DIRAS3: variants seen among roughly 807,000 people sequenced by gnomAD.
DIRAS3 encodes DIRAS family GTPase 3.
For missense variants in DIRAS3, 248 were observed against 300.6 expected, an observed-to-expected ratio of 0.83 and a Z score of 1.29; for synonymous variants, 133 against 131.4, an observed-to-expected ratio of 1.01 and a Z score of -0.08.
intron 1 of DIRAS3, chr1:68,049,440 A>C (rs1645711119): frequency 6.5e-6 from 1 of 152,746 alleles, no homozygotes; most frequent in African/African-American, 2.4e-5. Flanking sequence ...AGCTTAAAAA[A>C]CTAGGAGATT....
intron 1 of DIRAS3, among the ~76,000 whole-genome samples, chr1:68,048,042 AAAAAAAAATATATATATATATATAT>A (rs1454871376): frequency 2.9e-5 from 2 of 69,980 alleles, no homozygotes; most frequent in Non-Finnish European, 5.4e-5. Flanking sequence ...AAAAAAAAAA[AAAAAAAAATATATATATATATATAT>A]ATATATATAT....
In DIRAS3 at chr1:68,046,906, T is replaced by C. The variant is rs1645678707; in HGVS notation, c.392A>G (p.Tyr131Cys). Residue 131 changes from tyrosine (Y) to cysteine (C), a missense_variant, in exon 2 of 2, where the codon TAT becomes TGT. Tyr to Cys is a radical substitution (Grantham distance 194). Transcript: ENST00000646789. ...ACCTTTGATCTTGCAGATCAGCTCA[T>C]AGAAGGCCTTCAGCTCTTCCAGGGT... ...KETLEELKAFYELICKIKGNN... is the reference protein window; with the variant it reads ...KETLEELKAFCELICKIKGNN... 2 of 1,614,080 alleles carry C rather than the reference T, an allele frequency of 1.2e-6. No homozygotes were observed. The highest frequency in any genetic ancestry group is 1.3e-5 in the African/African-American group (1 of 74,928).
Position 68,046,909 on chromosome 1 carries a change from A to C in DIRAS3, c.389T>G (p.Phe130Cys). 6.2e-7 allele frequency: 1 copy of C among 1,614,144 alleles called. No individual in the cohort carries two copies. The highest frequency in any genetic ancestry group is 8.5e-7 in the Non-Finnish European group (1 of 1,180,024). ...TTTGATCTTGCAGATCAGCTCATAG[A>C]AGGCCTTCAGCTCTTCCAGGGTTTC... is the stretch of plus-strand genomic sequence containing the variant. ...KKETLEELKA[F>C]YELICKIKGN... The change falls in exon 2 of 2, where the codon TTC becomes TGC. Residue 130 changes from phenylalanine (F) to cysteine (C), a missense_variant. Phe to Cys is a radical substitution (Grantham distance 205). Transcript: ENST00000646789.
In DIRAS3 at chr1:68,047,000, C is replaced by A; in HGVS notation, c.298G>T (p.Ala100Ser). 1.2e-6 allele frequency: 2 copies of A among 1,614,134 alleles called. No individual in the cohort carries two copies. Among genetic ancestry groups the A allele is most frequent in the East Asian group, 2.2e-5 (1 of 44,878 alleles). ...TDSKSGDGNRALQRHVIARGH... is the reference protein window; with the variant it reads ...TDSKSGDGNRSLQRHVIARGH... Reference sequence around the variant, plus strand: ...CGGGCTATAACGTGGCGCTGCAGAGCGCGGTTGCCGTCGCCACTCTTGCTG... The same window carrying A: ...CGGGCTATAACGTGGCGCTGCAGAGAGCGGTTGCCGTCGCCACTCTTGCTG... The change falls in exon 2 of 2, where the codon GCT (alanine) becomes TCT (serine). Residue 100 changes from alanine to serine, a missense_variant. By Grantham distance (99) the Ala-to-Ser change is moderately conservative. Coordinates refer to ENST00000646789, the MANE Select transcript of DIRAS3 (RefSeq NM_004675.5).
At chr1:68,049,198 T>G (rs1468293582) in intron 1 of DIRAS3, among the ~76,000 whole-genome samples, 1 of 152,250 alleles carries the variant, frequency 6.6e-6, no homozygotes, top group Non-Finnish European at 1.5e-5. Flanking sequence ...GATTTTATAT[T>G]CTTGATTAAA....
rs1292204208 is a variant in DIRAS3 at position 68,046,444 on chromosome 1, G to A, written c.*164C>T. The A allele has an allele frequency of 1.4e-5, 9 of 635,292 alleles. No individual in the cohort carries two copies. The highest frequency in any genetic ancestry group is 1.8e-5 in the African/African-American group (1 of 54,376). 39.4% of individuals were successfully genotyped at this position (635,292 alleles called of 1,614,324 possible). A position where few individuals can be genotyped will look rare whatever the true frequency, so the allele number is the denominator to read the frequency against. Reference sequence around the variant, plus strand: ...TTAACAATTTGAATTCTCTGGCCTGGGAAAAAGAAAAGTTATCCACTTACA... The same window carrying A: ...TTAACAATTTGAATTCTCTGGCCTGAGAAAAAGAAAAGTTATCCACTTACA... On this transcript the variant is annotated 3_prime_UTR_variant, in exon 2 of 2. Coordinates refer to ENST00000646789, the MANE Select transcript of DIRAS3 (RefSeq NM_004675.5).
rs149296287 is a variant in DIRAS3, at chr1:68,050,058, C to T, written c.-66+490G>A. 2.1e-3 allele frequency among the ~76,000 whole-genome samples: 320 copies of T among 150,554 alleles called. 2 individuals are homozygous for T. Among genetic ancestry groups the T allele is most frequent in the Admixed American group, 4.0e-3 (61 of 15,172 alleles). ...AAAGTTTCCAGGAACCAGAGGGCGT[C>T]CAAACCCAGCGGCCGTGCGGAGCTC... On this transcript the variant is annotated intron_variant, in intron 1 of 1. Coordinates refer to ENST00000646789, the MANE Select transcript of DIRAS3 (RefSeq NM_004675.5). This position sits in a 1 kb window ranked among gnomAD's most constrained non-coding sequence, Gnocchi z 4.5.
chr1:68,047,099 G>C lies in DIRAS3; in HGVS notation c.199C>G (p.Leu67Val), dbSNP rs1645681026. Residue 67 changes from leucine (L) to valine (V), a missense_variant, in exon 2 of 2, where the codon CTG becomes GTG. Transcript: ENST00000646789. ...CAGTAGGTATTTTCAATGGTCGGCAGGTACTCATGACGGAAGTTGCCGCTC... is the reference window on the plus strand; with the variant it reads ...CAGTAGGTATTTTCAATGGTCGGCACGTACTCATGACGGAAGTTGCCGCTC... ...WASGNFRHEY[L>V]PTIENTYCQL... 1 of 1,614,218 alleles carries C rather than the reference G, an allele frequency of 6.2e-7. No homozygotes were observed.
intron 1 of DIRAS3, among the ~76,000 whole-genome samples, chr1:68,048,031 A>T (rs1645690793): frequency 4.1e-5 from 2 of 49,178 alleles, no homozygotes; most frequent in African/African-American, 9.8e-5. Context: ...AAAAAAAAAA[A>T]AAAAAAAAAA....
rs548821508 is a variant in DIRAS3 at position 68,050,449 on chromosome 1, A to G, written c.-66+99T>C. 4.9e-4 allele frequency: 74 copies of G among 152,286 alleles called. No individual in the cohort carries two copies. Among genetic ancestry groups the G allele is most frequent in the African/African-American group, 1.7e-3 (72 of 41,562 alleles). The allele number at this position is 152,286 out of a possible 1,614,324, so 9.4% of individuals were successfully genotyped here. ...GAAAGACCTGGTTCCAGTTTCAGGG[A>G]CAACTCGCCCATAAACTTCTACTGC... On this transcript the variant is annotated intron_variant, in intron 1 of 1. Transcript: ENST00000646789. This position sits in a 1 kb window ranked among gnomAD's most constrained non-coding sequence, Gnocchi z 4.5.
In DIRAS3 at chr1:68,046,782, C is replaced by T; in HGVS notation, c.516G>A (p.Glu172=). The change falls in exon 2 of 2, where the codon GAG becomes GAA. Residue 172 remains glutamate (E), a synonymous_variant. Coordinates refer to ENST00000646789, the MANE Select transcript of DIRAS3 (RefSeq NM_004675.5). ...ALNDGATCAM[E]WNCAFMEISA... is the part of the protein sequence containing the mutation. ...AAATCTCCATGAAGGCGCAATTCCA[C>T]TCCATCGCACAGGTGGCACCATCAT... 6.2e-7 allele frequency: 1 copy of T among 1,614,202 alleles called. No homozygotes were observed. Among genetic ancestry groups the T allele is most frequent in the Non-Finnish European group, 8.5e-7 (1 of 1,180,046 alleles).
At position 68,046,801 on chromosome 1, in the gene DIRAS3, C is replaced by T. The variant is rs375502625; in HGVS notation, c.497G>A (p.Gly166Asp). 4.3e-6 allele frequency: 7 copies of T among 1,614,172 alleles called. No homozygotes were observed. The highest frequency in any genetic ancestry group is 5.9e-6 in the Non-Finnish European group (7 of 1,180,036). Reference protein sequence around the residue: ...DTHREVALNDGATCAMEWNCA... With the variant: ...DTHREVALNDDATCAMEWNCA... ...ATTCCACTCCATCGCACAGGTGGCA[C>T]CATCATTCAGGGCCACCTCCCGGTG... Residue 166 changes from glycine to aspartate, a missense_variant, in exon 2 of 2, where the codon GGT becomes GAT. Physicochemically the swap from Gly to Asp is moderately conservative, Grantham distance 94. Transcript: ENST00000646789.
intron 1 of DIRAS3, 96 bp from the exon 2 acceptor site, chr1:68,047,458 G>A (rs1436229362): frequency 4.6e-6 from 3 of 657,670 alleles, no homozygotes; most frequent in Non-Finnish European, 7.7e-6. Flanking sequence ...GGACTCTGAA[G>A]AGAGTCCACC....
At chr1:68,047,396 T>C in intron 1 of DIRAS3, 34 bp from the exon 2 acceptor site, 1 of 1,088,046 alleles carries the variant, frequency 9.2e-7, no homozygotes, top group Non-Finnish European at 1.3e-6. Context: ...GAGATGGTAG[T>C]GGTAACCTAC....
In DIRAS3 at chr1:68,046,415, T is replaced by C. The variant is rs1381937431; in HGVS notation, c.*193A>G. ...TTTTGTTCTCCTCTTCAAATGCCAA[T>C]GTTTTAACAATTTGAATTCTCTGGC... On this transcript the variant is annotated 3_prime_UTR_variant, in exon 2 of 2. Transcript: ENST00000646789. 1 of 548,422 alleles carries C rather than the reference T, an allele frequency of 1.8e-6. No homozygotes were observed. Among genetic ancestry groups the C allele is most frequent in the African/African-American group, 1.9e-5 (1 of 53,098 alleles). 34.0% of individuals were successfully genotyped at this position (548,422 alleles called of 1,614,324 possible).
rs771445902 is a variant in DIRAS3, at chr1:68,046,827, G to A, written c.471C>T (p.Thr157=). 1.2e-6 allele frequency: 2 copies of A among 1,614,140 alleles called. No individual in the cohort carries two copies. Among genetic ancestry groups the A allele is most frequent in the Non-Finnish European group, 1.7e-6 (2 of 1,180,024 alleles). Residue 157 remains threonine (T), a synonymous_variant, in exon 2 of 2, where the codon ACC becomes ACT. Transcript: ENST00000646789. ...IVLVGNKSDD[T]HREVALNDGA... is the part of the protein sequence containing the mutation. ...CATCATTCAGGGCCACCTCCCGGTGGGTGTCATCACTTTTATTGCCCACCA... is the reference window on the plus strand; with the variant it reads ...CATCATTCAGGGCCACCTCCCGGTGAGTGTCATCACTTTTATTGCCCACCA...
intron 1 of DIRAS3, 105 bp from the exon 2 acceptor site, chr1:68,047,467 C>G (rs1645685253): frequency 1.6e-6 from 1 of 638,532 alleles, no homozygotes; most frequent in South Asian, 2.0e-5. Context: ...AGAGAGTCCA[C>G]CCTGTGACGT....
At position 68,050,121 on chromosome 1, in the gene DIRAS3, C is replaced by T. The variant is rs1557690592; in HGVS notation, c.-66+427G>A. Among the ~76,000 whole-genome samples, 1 of 152,312 alleles carries T rather than the reference C, an allele frequency of 6.6e-6. No homozygotes were observed. Among genetic ancestry groups the T allele is most frequent in the Admixed American group, 6.5e-5 (1 of 15,314 alleles). ...CTGCTGTTGCGGCACCAGCCTGGCT[C>T]ATGGACATCACCACGCACCTGCAAG... On this transcript the variant is annotated intron_variant, in intron 1 of 1. Coordinates refer to ENST00000646789, the MANE Select transcript of DIRAS3 (RefSeq NM_004675.5). The surrounding 1 kb of genome is among the most constrained non-coding windows in gnomAD (Gnocchi z 4.5).
intron 1 of DIRAS3, chr1:68,049,614 C>T (rs1416715487): frequency 6.6e-6 from 1 of 152,226 alleles, no homozygotes; most frequent in African/African-American, 2.4e-5. Flanking sequence ...TCAAGAGTTC[C>T]AGTAAAGACC....
Sources: allele counts gnomAD v4.1 joint callset (sites outside exome capture counted in the v4.1 genomes callset), GRCh38; gene constraint gnomAD v4.1.1; non-coding constraint Gnocchi (gnomAD v3.1); transcripts MANE v1.5; gene names NCBI Gene and HGNC (gene_info 2026-07-23, HGNC 2026-07-21).